Variants in MDGA1 observed in about 807,000 individuals in gnomAD.
MDGA1 encodes MAM domain-containing glycosylphosphatidylinositol anchor protein 1.
A neutral mutation model predicts 101.5 loss-of-function variants in MDGA1; 54 were observed. The ratio of observed to expected loss-of-function variants is 0.53; its 90% CI spans 0.43 to 0.67. The LOEUF (loss-of-function observed/expected upper bound fraction) is 0.67, where lower values mean the gene tolerates loss of function less well. MDGA1 is among the 30% of genes least tolerant of loss of function. The pLI, the probability that MDGA1 is intolerant of heterozygous loss-of-function variation, is 0.00. For synonymous variants in MDGA1, 533 were observed against 558.3 expected, an observed-to-expected ratio of 0.95 and a Z score of 0.64; for missense variants, 1,083 against 1,323.8, an observed-to-expected ratio of 0.82 and a Z score of 2.82.
chr6:37,647,397 A>G (rs1761233384), intron 9 of MDGA1, 73 bp from the exon 10 acceptor site: 3 of 927,362 alleles, frequency 3.2e-6, no homozygotes, highest in Non-Finnish European at 4.7e-6. Context: ...GGTGTGGGAA[A>G]GGGAAACAAG....
chr6:37,672,673 A>C (rs190654504), intron 1 of MDGA1, among the ~76,000 whole-genome samples: 1 of 152,144 alleles, frequency 6.6e-6, no homozygotes, highest in African/African-American at 2.4e-5. Context: ...CAGAAGCATC[A>C]CTGAGTGTTC....
At chr6:37,687,702 G>C (rs1762225679) in intron 1 of MDGA1, among the ~76,000 whole-genome samples, 1 of 152,006 alleles carries the variant, frequency 6.6e-6, no homozygotes, top group African/African-American at 2.4e-5. Flanking sequence ...GAACTCCTGG[G>C]CTCAAGTGAT....
At chr6:37,642,851 C>T (rs1426712299) in intron 14 of MDGA1, among the ~76,000 whole-genome samples, 1 of 152,166 alleles carries the variant, frequency 6.6e-6, no homozygotes, top group African/African-American at 2.4e-5. Flanking sequence ...GGGAACTCGT[C>T]CACCTCGTTC....
In MDGA1 at chr6:37,645,822, A is replaced by T. The variant is rs1761180033; in HGVS notation, c.2248+111T>A. ...CCTACCCCATGGAAACACAGGGGGA[A>T]TTCATTTTCTCTCTGACTATCTCAA... On this transcript the variant is annotated intron_variant, in intron 12 of 16. Coordinates refer to ENST00000434837, the MANE Select transcript of MDGA1 (RefSeq NM_153487.4). 6 of 1,289,382 alleles carry T rather than the reference A, an allele frequency of 4.7e-6. No homozygotes were observed. The South Asian group carries it at 5.0e-5, about 11-fold the overall frequency. 79.9% of individuals were successfully genotyped at this position (1,289,382 alleles called of 1,614,324 possible). A position where few individuals can be genotyped will look rare whatever the true frequency, so the allele number is the denominator to read the frequency against.
chr6:37,637,888 G>A (rs865976077), intron 16 of MDGA1: 2 of 530,638 alleles, frequency 3.8e-6, no homozygotes, highest in Admixed American at 3.6e-5. Flanking sequence ...CTCTGGCCCT[G>A]GAAGGCACAC....
At chr6:37,668,443 C>A (rs1164578856) in intron 1 of MDGA1, among the ~76,000 whole-genome samples, 1 of 152,162 alleles carries the variant, frequency 6.6e-6, no homozygotes, top group Non-Finnish European at 1.5e-5. Flanking sequence ...GGCAACCAAA[C>A]AATAAGTACA....
intron 1 of MDGA1, among the ~76,000 whole-genome samples, chr6:37,669,597 G>A (rs1357015318): frequency 6.6e-6 from 1 of 152,134 alleles, no homozygotes; most frequent in Non-Finnish European, 1.5e-5. Context: ...CCCTTGGAAT[G>A]GCCAGAACCA....
chr6:37,636,509 G>A lies in MDGA1; in HGVS notation c.*859C>T, dbSNP rs1446151072. On this transcript the variant is annotated 3_prime_UTR_variant, in exon 17 of 17. Coordinates refer to ENST00000434837, the MANE Select transcript of MDGA1 (RefSeq NM_153487.4). ...AAGTCAAGCCTCACCCCAGAAAATG[G>A]GCTGGCCACCGCTCCCCCAGCTCCT... 1 of 152,220 alleles carries A rather than the reference G, an allele frequency of 6.6e-6. No homozygotes were observed. The highest frequency in any genetic ancestry group is 2.4e-5 in the African/African-American group (1 of 41,444). 9.4% of individuals were successfully genotyped at this position (152,220 alleles called of 1,614,324 possible).
At chr6:37,683,140 G>C (rs1409609125) in intron 1 of MDGA1, among the ~76,000 whole-genome samples, 1 of 152,144 alleles carries the variant, frequency 6.6e-6, no homozygotes, top group Non-Finnish European at 1.5e-5. Context: ...TGTAGATTCT[G>C]GGTGTGTCCT....
At chr6:37,661,518 T>C (rs1022819286) in intron 2 of MDGA1, among the ~76,000 whole-genome samples, 1 of 152,220 alleles carries the variant, frequency 6.6e-6, no homozygotes, top group African/African-American at 2.4e-5. Context: ...TTGCTTGGCA[T>C]GTAGCAGATG....
At chr6:37,663,852 G>A in intron 2 of MDGA1, 115 bp downstream of exon 2, 2 of 1,182,530 alleles carry the variant, frequency 1.7e-6, no homozygotes, top group South Asian at 1.5e-5. Flanking sequence ...CCTGTTCTCT[G>A]CCTCCATGCT....
At chr6:37,695,858 G>T (rs1307666598) in intron 1 of MDGA1, among the ~76,000 whole-genome samples, 2 of 152,226 alleles carry the variant, frequency 1.3e-5, no homozygotes, top group Non-Finnish European at 2.9e-5. Context: ...TTGTGCTGTG[G>T]GGTTAAGGCA....
intron 1 of MDGA1, among the ~76,000 whole-genome samples, chr6:37,682,111 G>A (rs1762108668): frequency 6.6e-6 from 1 of 152,368 alleles, no homozygotes; most frequent in African/African-American, 2.4e-5. Flanking sequence ...GTGGAAGAGA[G>A]AGTAATCACT....
chr6:37,679,649 GGCA>G, intron 1 of MDGA1, among the ~76,000 whole-genome samples: 1 of 152,232 alleles, frequency 6.6e-6, no homozygotes, highest in East Asian at 1.9e-4. Flanking sequence ...CAGTGACAGC[GGCA>G]GCTTCCTGAG....
At position 37,655,980 on chromosome 6, in the gene MDGA1, G is replaced by A. The variant is rs1463768455; in HGVS notation, c.383-84C>T. The A allele has an allele frequency of 1.7e-6, 2 of 1,188,452 alleles. No individual in the cohort carries two copies. The highest frequency in any genetic ancestry group is 2.3e-6 in the Non-Finnish European group (2 of 856,562). The allele number at this position is 1,188,452 out of a possible 1,614,324, so 73.6% of individuals were successfully genotyped here. On this transcript the variant is annotated intron_variant, in intron 3 of 16. Coordinates refer to ENST00000434837, the MANE Select transcript of MDGA1 (RefSeq NM_153487.4). The surrounding 1 kb of genome is among the most constrained non-coding windows in gnomAD (Gnocchi z 5.1). ...AGGCTCCTGGCAGCCCTTAGGAAGA[G>A]CTGAGCCACCCTCAACAGACATTTC...
rs1053597180 is a variant in MDGA1, at chr6:37,630,733, G to A, written c.*6635C>T. The stretch of plus-strand genomic sequence containing the variant: ...ACGATGGGTCAGGAATTTGGACAGA[G>A]CTTGGCCGAGCAATTCAGGTGGCAG... On this transcript the variant is annotated 3_prime_UTR_variant, in exon 17 of 17. Transcript: ENST00000434837. 4 of 152,282 alleles carry A rather than the reference G, an allele frequency of 2.6e-5. No individual in the cohort carries two copies. Among genetic ancestry groups the A allele is most frequent in the African/African-American group, 4.8e-5 (2 of 41,464 alleles). 9.4% of individuals were successfully genotyped at this position (152,282 alleles called of 1,614,324 possible). A position where few individuals can be genotyped will look rare whatever the true frequency, so the allele number is the denominator to read the frequency against.
At chr6:37,666,719 C>G (rs1761761890) in intron 1 of MDGA1, among the ~76,000 whole-genome samples, 2 of 152,158 alleles carry the variant, frequency 1.3e-5, no homozygotes, top group Non-Finnish European at 1.5e-5. Context: ...ATAAAGATGT[C>G]CCAAGGTGAA....
chr6:37,662,584 T>C (rs979008442), intron 2 of MDGA1, among the ~76,000 whole-genome samples: 6 of 148,102 alleles, frequency 4.1e-5, no homozygotes, highest in African/African-American at 1.5e-4. Context: ...TACAGTAAGC[T>C]GTGATCACAC....
rs936948441 is a variant in MDGA1, at chr6:37,635,451, T to C, written c.*1917A>G. On this transcript the variant is annotated 3_prime_UTR_variant, in exon 17 of 17. Transcript: ENST00000434837. ...GCGATGGAAGTGTATGCTGAGAACC[T>C]GGAGCGACTCATTTCAGACAGAGGC... The C allele has an allele frequency of 1.2e-4, 48 of 398,618 alleles. No homozygotes were observed. The highest frequency in any genetic ancestry group is 9.5e-4 in the African/African-American group (46 of 48,634). The allele number at this position is 398,618 out of a possible 1,614,324, so 24.7% of individuals were successfully genotyped here. A position where few individuals can be genotyped will look rare whatever the true frequency, so the allele number is the denominator to read the frequency against.
Sources: gnomAD v4.1 joint callset for allele counts (sites outside exome capture counted in the v4.1 genomes callset) on GRCh38, gnomAD v4.1.1 for gene constraint, Gnocchi (gnomAD v3.1) non-coding constraint, MANE v1.5 for transcripts, NCBI Gene and HGNC (gene_info 2026-07-23, HGNC 2026-07-21) for gene names.